Variants in APP observed in about 807,000 individuals in gnomAD.
APP encodes amyloid-beta precursor protein.
Under a neutral mutation model 101.4 loss-of-function variants are expected in APP, and 31 were observed. The ratio of observed to expected loss-of-function variants is 0.31; its 90% confidence interval spans 0.23 to 0.41. The LOEUF is 0.41. APP is among the 10% of genes least tolerant of loss of function. The pLI is 1.00. For missense variants in APP, 839 were observed against 1,003.7 expected (o/e 0.84, Z 2.22); for synonymous variants, 366 against 364.4 (o/e 1.00, Z -0.05).
chr21:26,036,043 A>C (rs1451876842), intron 5 of APP, among the ~76,000 whole-genome samples: 1 of 152,128 alleles, frequency 6.6e-6, no homozygotes, highest in African/African-American at 2.4e-5. Flanking sequence ...ATGCCTATGA[A>C]ATAACTAGGT....
chr21:25,997,171 A>G lies in APP; in HGVS notation c.1090+189T>C, dbSNP rs144341576. ...AAGAAACTTAGTCAATGATGTTCTT[A>G]GCCCAACATCTCAAGCTGTCTGGCA... On this transcript the variant is annotated intron_variant, in intron 8 of 17. Coordinates refer to ENST00000346798, the MANE Select transcript of APP (RefSeq NM_000484.4). The G allele has an allele frequency of 5.5e-5, 34 of 622,604 alleles. No homozygotes were observed. The Middle Eastern group carries it at 1.1e-3, about 20-fold the overall frequency. 38.6% of individuals were successfully genotyped at this position (622,604 alleles called of 1,614,324 possible).
rs531242082 is a variant in APP, at chr21:25,914,789, G to A, written c.1688-2827C>T. Among the ~76,000 whole-genome samples the A allele has an allele frequency of 1.2e-4, 19 of 152,226 alleles. No individual in the cohort carries two copies. The South Asian group carries it at 3.1e-3, about 25-fold the overall frequency. On this transcript the variant is annotated intron_variant, in intron 13 of 17. Coordinates refer to ENST00000346798, the MANE Select transcript of APP (RefSeq NM_000484.4). ...AGGATGGTCTCCATCTCCTGACTTC[G>A]TGATCCGCCCGCCTCGGCTTCCCAA...
chr21:26,061,988 G>A (rs1601360299), intron 3 of APP, among the ~76,000 whole-genome samples: 1 of 151,808 alleles, frequency 6.6e-6, no homozygotes. Context: ...GGCCGAGGTG[G>A]ATCACAAGGT....
At chr21:25,961,413 A>G (rs147023665) in intron 11 of APP, among the ~76,000 whole-genome samples, 1 of 152,328 alleles carries the variant, frequency 6.6e-6, no homozygotes, top group African/African-American at 2.4e-5. Flanking sequence ...AAATTAACTG[A>G]GACCTGTCTC....
chr21:26,000,057 A>T lies in APP; in HGVS notation c.991T>A (p.Phe331Ile). The change falls in exon 7 of 18, where the codon TTT becomes ATT. Residue 331 changes from phenylalanine (F) to isoleucine (I), a missense_variant. Physicochemically the swap from Phe to Ile is conservative, Grantham distance 21. Coordinates refer to ENST00000346798, the MANE Select transcript of APP (RefSeq NM_000484.4). Reference sequence around the variant, plus strand: ...GCCATGCAGTACTCTTCTGTGTCAAAGTTGTTCCGGTTGCCGCCACATCCG... The same window carrying T: ...GCCATGCAGTACTCTTCTGTGTCAATGTTGTTCCGGTTGCCGCCACATCCG... ...YGGCGGNRNN[F>I]DTEEYCMAVC... 1 of 1,614,114 alleles carries T rather than the reference A, an allele frequency of 6.2e-7. No individual in the cohort carries two copies. The highest frequency in any genetic ancestry group is 8.5e-7 in the Non-Finnish European group (1 of 1,180,014).
chr21:25,902,706 T>A (rs1170975911), intron 15 of APP, among the ~76,000 whole-genome samples: 1 of 152,258 alleles, frequency 6.6e-6, no homozygotes, highest in African/African-American at 2.4e-5. Flanking sequence ...CCTGGGTTAG[T>A]ACTCCATCTC....
intron 5 of APP, 37 bp downstream of exon 5, chr21:26,050,963 T>C: frequency 1.2e-6 from 2 of 1,606,350 alleles, no homozygotes; most frequent in Non-Finnish European, 1.7e-6. Context: ...ACAAGATGTT[T>C]CAGCATCTCT....
intron 11 of APP, among the ~76,000 whole-genome samples, chr21:25,965,459 G>A (rs1476312642): frequency 3.3e-5 from 5 of 152,142 alleles, no homozygotes; most frequent in Non-Finnish European, 7.4e-5. Flanking sequence ...TCAAAGAAAA[G>A]TACATTTGCA....
intron 2 of APP, among the ~76,000 whole-genome samples, chr21:26,092,637 A>G (rs2061848929): frequency 6.6e-6 from 1 of 152,170 alleles, no homozygotes. Context: ...AAACCCAAAA[A>G]ATGTATACCG....
In APP at chr21:26,035,711, C is replaced by CAG. The variant is rs1369834400; in HGVS notation, c.663-13671_663-13670dup. On this transcript the variant is annotated intron_variant, in intron 5 of 17. Coordinates refer to ENST00000346798, the MANE Select transcript of APP (RefSeq NM_000484.4). The stretch of plus-strand genomic sequence containing the variant: ...AACACTCTACATCCTGGCTGCTGTA[C>CAG]AGAGAATGGCTTGGTGTGGGAGAAG... 2.6e-5 allele frequency among the ~76,000 whole-genome samples: 4 copies of CAG among 152,104 alleles called. No homozygotes were observed. In the East Asian group the frequency reaches 7.7e-4, roughly 29 times the overall value.
At chr21:25,923,447 T>A (rs1487060231) in intron 13 of APP, among the ~76,000 whole-genome samples, 17 of 127,116 alleles carry the variant, frequency 1.3e-4, no homozygotes, top group Non-Finnish European at 2.1e-4. Context: ...ACAGGCAACC[T>A]ACAACATGGG....
Position 25,881,665 on chromosome 21 carries a change from G to A in APP, c.*5C>T, listed in dbSNP as rs745519536. 1 of 1,613,452 alleles carries A rather than the reference G, an allele frequency of 6.2e-7. No individual in the cohort carries two copies. ...TCCAACTTCAGAGGCTGCTGTGGCG[G>A]GGGTCTAGTTCTGCATCTGCTCAAA... On this transcript the variant is annotated 3_prime_UTR_variant, in exon 18 of 18. Coordinates refer to ENST00000346798, the MANE Select transcript of APP (RefSeq NM_000484.4).
At chr21:26,078,562 T>A (rs2061537993) in intron 3 of APP, among the ~76,000 whole-genome samples, 1 of 152,208 alleles carries the variant, frequency 6.6e-6, no homozygotes, top group Non-Finnish European at 1.5e-5. Flanking sequence ...ACCCCAAGAA[T>A]CGTAATAATA....
chr21:26,077,813 G>A (rs2061526715), intron 3 of APP, among the ~76,000 whole-genome samples: 1 of 151,382 alleles, frequency 6.6e-6, no homozygotes, highest in Non-Finnish European at 1.5e-5. Context: ...CTCCTGGGAT[G>A]CATCACCAAC....
At chr21:25,912,731 A>ACC (rs61341373) in intron 13 of APP, among the ~76,000 whole-genome samples, 15 of 151,720 alleles carry the variant, frequency 9.9e-5, no homozygotes, top group South Asian at 6.3e-4. Flanking sequence ...AGTGCCGCCT[A>ACC]CCCCCCCACT....
intron 3 of APP, among the ~76,000 whole-genome samples, chr21:26,055,715 C>T (rs544424824): frequency 1.4e-4 from 22 of 152,310 alleles, no homozygotes; most frequent in African/African-American, 5.3e-4. Flanking sequence ...AGAAGTGATG[C>T]TTTTCTATTT....
chr21:26,059,030 G>A lies in APP; in HGVS notation c.356-5682C>T, dbSNP rs372398726. Among the ~76,000 whole-genome samples, 422 of 151,522 alleles carry A rather than the reference G, an allele frequency of 2.8e-3. 2 individuals are homozygous for A. Among genetic ancestry groups the A allele is most frequent in the African/African-American group, 9.7e-3 (401 of 41,300 alleles). ...CGGGAGGCGGAGCTTGCAGTGAGCC[G>A]AGATCGCGCCACTGCACTCCAGCCT... On this transcript the variant is annotated intron_variant, in intron 3 of 17. Coordinates refer to ENST00000346798, the MANE Select transcript of APP (RefSeq NM_000484.4).
chr21:25,999,903 G>A, intron 7 of APP, 112 bp downstream of exon 7: 3 of 1,226,496 alleles, frequency 2.4e-6, no homozygotes, highest in Non-Finnish European at 3.5e-6. Flanking sequence ...AATGTGGTTA[G>A]TGGTAGCAAC....
At chr21:25,957,110 A>G (rs1429814005) in intron 11 of APP, among the ~76,000 whole-genome samples, 1 of 152,146 alleles carries the variant, frequency 6.6e-6, no homozygotes, top group African/African-American at 2.4e-5. Flanking sequence ...AAATAAAACA[A>G]CTTGGGCTCA....
Sources: allele counts gnomAD v4.1 joint callset (sites outside exome capture counted in the v4.1 genomes callset), GRCh38; gene constraint gnomAD v4.1.1; transcripts MANE v1.5; gene names NCBI Gene and HGNC (gene_info 2026-07-23, HGNC 2026-07-21).